Variants in GRIN2B observed in about 807,000 individuals in gnomAD.
The protein encoded by GRIN2B is glutamate ionotropic receptor NMDA type subunit 2B, also known as glutamate receptor ionotropic, NMDA 2B.
GRIN2B carries 5 observed loss-of-function variants against 114.5 expected under a neutral mutation model. The ratio of observed to expected loss-of-function variants is 0.04; its 90% CI spans 0.02 to 0.09. The LOEUF (loss-of-function observed/expected upper bound fraction) is 0.09, where lower values mean the gene tolerates loss of function less well. GRIN2B is among the 10% of genes least tolerant of loss of function. The probability of loss-of-function intolerance (pLI) is 1.00; values close to 1 mark genes in which losing one functional copy is unlikely to be tolerated. For missense variants in GRIN2B, 1,108 were observed against 1,943.5 expected (o/e 0.57, Z 8.08); for synonymous variants, 787 against 745.1 (o/e 1.06, Z -0.92).
Position 13,728,270 on chromosome 12 carries a change from G to T in GRIN2B, c.1010+25047C>A, listed in dbSNP as rs146697450. Among the ~76,000 whole-genome samples, 1,082 of 152,222 alleles carry T rather than the reference G, an allele frequency of 7.1e-3. 15 individuals carry two copies. The highest frequency in any genetic ancestry group is 0.024 in the African/African-American group (985 of 41,526). On this transcript the variant is annotated intron_variant, in intron 4 of 13. Transcript: ENST00000609686. ...TCCTCCCAGGGTTGTGGTTGGGTAGGACTAACTTTGGGGTATGGGAACCAA... is the reference window on the plus strand; with the variant it reads ...TCCTCCCAGGGTTGTGGTTGGGTAGTACTAACTTTGGGGTATGGGAACCAA...
intron 4 of GRIN2B, among the ~76,000 whole-genome samples, chr12:13,733,849 T>G (rs989317550): frequency 1.3e-5 from 2 of 152,214 alleles, no homozygotes; most frequent in African/African-American, 4.8e-5. Flanking sequence ...TCTAAATTCT[T>G]TCTTTCCAAG....
chr12:13,872,112 A>G (rs936636453), intron 2 of GRIN2B, among the ~76,000 whole-genome samples: 1 of 152,168 alleles, frequency 6.6e-6, no homozygotes, highest in African/African-American at 2.4e-5. Flanking sequence ...GAACAAAAAG[A>G]AAAAGACGGA....
At chr12:13,664,221 G>C (rs540472678) in intron 5 of GRIN2B, among the ~76,000 whole-genome samples, 1 of 152,204 alleles carries the variant, frequency 6.6e-6, no homozygotes, top group South Asian at 2.1e-4. Context: ...AGAATAGTTA[G>C]TTGCAATTAT....
chr12:13,796,174 A>G (rs1354727818), intron 3 of GRIN2B, among the ~76,000 whole-genome samples: 1 of 152,122 alleles, frequency 6.6e-6, no homozygotes, highest in East Asian at 1.9e-4. Flanking sequence ...CGTTTCTGAT[A>G]TAACCAAAGA....
intron 4 of GRIN2B, among the ~76,000 whole-genome samples, chr12:13,688,041 C>G (rs919072916): frequency 1.3e-5 from 2 of 152,116 alleles, no homozygotes; most frequent in African/African-American, 4.8e-5. Context: ...TTTACATTCT[C>G]ACATCAATGA....
intron 2 of GRIN2B, among the ~76,000 whole-genome samples, chr12:13,953,638 TTCTC>T (rs1591638926): frequency 6.6e-6 from 1 of 152,210 alleles, no homozygotes; most frequent in East Asian, 1.9e-4. Context: ...ATCTCCCCCT[TTCTC>T]TCTGCTTTGG....
At chr12:13,773,622 T>G (rs1390428849) in intron 3 of GRIN2B, among the ~76,000 whole-genome samples, 1 of 151,962 alleles carries the variant, frequency 6.6e-6, no homozygotes, top group East Asian at 1.9e-4. Context: ...GGAGAAGAGG[T>G]GGAGAAAAGC....
intron 3 of GRIN2B, among the ~76,000 whole-genome samples, chr12:13,837,322 A>T (rs191430037): frequency 7.9e-5 from 12 of 152,276 alleles, no homozygotes; most frequent in Middle Eastern, 3.4e-3. Context: ...CACTTCACAC[A>T]TGCATGTCCT....
At chr12:13,784,050 C>T (rs1476486626) in intron 3 of GRIN2B, among the ~76,000 whole-genome samples, 2 of 151,664 alleles carry the variant, frequency 1.3e-5, no homozygotes, top group Non-Finnish European at 2.9e-5. Flanking sequence ...GGTGAAACCC[C>T]GTCTCTACTA....
At chr12:13,579,937 G>A (rs1948824667) in intron 10 of GRIN2B, among the ~76,000 whole-genome samples, 1 of 152,194 alleles carries the variant, frequency 6.6e-6, no homozygotes, top group Non-Finnish European at 1.5e-5. Context: ...GTGGCGATGG[G>A]GCGTTAACAT....
At chr12:13,839,627 C>A (rs370897273) in intron 3 of GRIN2B, among the ~76,000 whole-genome samples, 1 of 152,186 alleles carries the variant, frequency 6.6e-6, no homozygotes. Flanking sequence ...TGCCCAAGGT[C>A]ATGCAGCTGG....
chr12:13,977,038 G>T (rs1008270832), intron 2 of GRIN2B, among the ~76,000 whole-genome samples: 6 of 152,194 alleles, frequency 3.9e-5, no homozygotes, highest in Non-Finnish European at 7.3e-5. Flanking sequence ...GGTAAACCAA[G>T]AACACAAAAT....
chr12:13,881,722 C>T (rs1030924124), intron 2 of GRIN2B, among the ~76,000 whole-genome samples: 4 of 152,206 alleles, frequency 2.6e-5, no homozygotes, highest in Admixed American at 2.6e-4. Context: ...TATTTTCCAA[C>T]AACCATCTTT....
At chr12:13,730,521 T>A (rs7300768) in intron 4 of GRIN2B, among the ~76,000 whole-genome samples, 1,808 of 152,202 alleles carry the variant, frequency 0.012, 36 homozygotes, top group African/African-American at 0.041. Flanking sequence ...CCAGACAGGT[T>A]AGGAACCTGG....
chr12:13,833,957 A>G (rs1026630087), intron 3 of GRIN2B, among the ~76,000 whole-genome samples: 100 of 151,210 alleles, frequency 6.6e-4, no homozygotes, highest in African/African-American at 2.4e-3. Context: ...CTCGTGATGT[A>G]CACATGCCCA....
At chr12:13,736,985 G>A (rs1490856963) in intron 4 of GRIN2B, among the ~76,000 whole-genome samples, 1 of 132,796 alleles carries the variant, frequency 7.5e-6, no homozygotes, top group African/African-American at 2.9e-5. Flanking sequence ...AGCAGAGATT[G>A]CACCATTGCA....
At chr12:13,578,135 G>GTATT (rs1392626527) in intron 10 of GRIN2B, among the ~76,000 whole-genome samples, 1 of 152,044 alleles carries the variant, frequency 6.6e-6, no homozygotes, top group Admixed American at 6.5e-5. Flanking sequence ...GTAAAAGTTG[G>GTATT]TATTAAACTC....
chr12:13,881,500 A>G (rs140801334), intron 2 of GRIN2B, among the ~76,000 whole-genome samples: 1 of 152,138 alleles, frequency 6.6e-6, no homozygotes, highest in African/African-American at 2.4e-5. Context: ...CTCTTCCTTA[A>G]CTAGAAGAAA....
At chr12:13,637,681 T>A (rs1163148777) in intron 5 of GRIN2B, among the ~76,000 whole-genome samples, 1 of 152,146 alleles carries the variant, frequency 6.6e-6, no homozygotes, top group Non-Finnish European at 1.5e-5. Context: ...CATAACCTAA[T>A]AGTAAGCAGG....
Sources: allele counts gnomAD v4.1 joint callset (sites outside exome capture counted in the v4.1 genomes callset), GRCh38; gene constraint gnomAD v4.1.1; transcripts MANE v1.5; gene names NCBI Gene and HGNC (gene_info 2026-07-23, HGNC 2026-07-21).